Variants in USF3 observed in about 807,000 individuals in gnomAD.
USF3 encodes basic helix-loop-helix domain-containing protein USF3.
Under a neutral mutation model 157.5 loss-of-function variants are expected in USF3, and 29 were observed. The ratio of observed to expected loss-of-function variants is 0.18; its 90% confidence interval spans 0.14 to 0.25. The LOEUF is 0.25. USF3 is among the 10% of genes least tolerant of loss of function. The probability of loss-of-function intolerance (pLI) is 1.00; values close to 1 mark genes in which losing one functional copy is unlikely to be tolerated. For synonymous variants in USF3, 893 were observed against 941.4 expected (o/e 0.95, Z 0.94); for missense variants, 2,381 against 2,667.6 (o/e 0.89, Z 2.37).
At chr3:113,674,044 T>C (rs9653912) in intron 3 of USF3, among the ~76,000 whole-genome samples, 119 of 152,286 alleles carry the variant, frequency 7.8e-4, no homozygotes, top group African/African-American at 2.7e-3. Flanking sequence ...AGTAGAACCA[T>C]TGGCCATGCA....
chr3:113,679,013 C>CTCTCTCTT (rs2107948489), intron 1 of USF3, among the ~76,000 whole-genome samples: 1 of 145,622 alleles, frequency 6.9e-6, no homozygotes, highest in African/African-American at 2.5e-5. Flanking sequence ...GCTGGTGTCT[C>CTCTCTCTT]TCTCTCTCTC....
intron 1 of USF3, among the ~76,000 whole-genome samples, chr3:113,693,983 T>C (rs1707748304): frequency 6.6e-6 from 1 of 152,236 alleles, no homozygotes; most frequent in African/African-American, 2.4e-5. Flanking sequence ...ATGGGAGTTC[T>C]CAGCCAGGGC....
intron 1 of USF3, among the ~76,000 whole-genome samples, chr3:113,689,343 G>A (rs867265187): frequency 5.9e-5 from 9 of 152,162 alleles, no homozygotes; most frequent in East Asian, 1.9e-4. Flanking sequence ...TGCTCAATAC[G>A]TGTTAGTTGA....
intron 1 of USF3, among the ~76,000 whole-genome samples, chr3:113,681,987 C>T (rs941347730): frequency 6.6e-6 from 1 of 152,198 alleles, no homozygotes; most frequent in South Asian, 2.1e-4. Context: ...CCAAAGTCCT[C>T]GGATTACAGG....
At position 113,655,336 on chromosome 3, in the gene USF3, G is replaced by A; in HGVS notation, c.6346C>T (p.Pro2116Ser). Residue 2116 changes from proline to serine, a missense_variant, in exon 7 of 7, where the codon CCT becomes TCT. By Grantham distance (74) the Pro-to-Ser change is moderately conservative. Coordinates refer to ENST00000316407, the MANE Select transcript of USF3 (RefSeq NM_001009899.4). Reference sequence around the variant, plus strand: ...TCATTGGACAGTGTAGGATGAGCAGGAGAGTATGGAGGATAGAAGGAGGGC... The same window carrying A: ...TCATTGGACAGTGTAGGATGAGCAGAAGAGTATGGAGGATAGAAGGAGGGC... ...TLPSFYPPYSPAHPTLSNDIS... is the reference protein window; with the variant it reads ...TLPSFYPPYSSAHPTLSNDIS... The A allele has an allele frequency of 1.2e-6, 2 of 1,614,114 alleles. No homozygotes were observed. Among genetic ancestry groups the A allele is most frequent in the Non-Finnish European group, 1.7e-6 (2 of 1,179,952 alleles).
rs1174349298 is a variant in USF3 at position 113,655,490 on chromosome 3, A to T, written c.6192T>A (p.Gly2064=). The change falls in exon 7 of 7, where the codon GGT becomes GGA. Residue 2064 remains glycine, a synonymous_variant. Transcript: ENST00000316407. The part of the protein sequence containing the change: ...PDQHTLSQNF[G]FSFIPEGGMN... ...TGCCACCCTCAGGAATAAAAGAAAA[A>T]CCAAAATTTTGTGATAGTGTATGCT... is the stretch of plus-strand genomic sequence containing the variant. 2 of 1,614,122 alleles carry T rather than the reference A, an allele frequency of 1.2e-6. No individual in the cohort carries two copies. Among genetic ancestry groups the T allele is most frequent in the Non-Finnish European group, 1.7e-6 (2 of 1,180,026 alleles).
rs756884439 is a variant in USF3 at position 113,660,548 on chromosome 3, T to C, written c.1134A>G (p.Gly378=). 1.2e-6 allele frequency: 2 copies of C among 1,614,152 alleles called. No individual in the cohort carries two copies. Among genetic ancestry groups the C allele is most frequent in the Admixed American group, 3.3e-5 (2 of 60,024 alleles). The part of the protein sequence containing the change: ...TATVVASSAP[G]VGKATIPIST... ...TTATAGGAATGGTGGCCTTCCCTACTCCAGGGGCAGATGATGCCACCACTG... is the reference window on the plus strand; with the variant it reads ...TTATAGGAATGGTGGCCTTCCCTACCCCAGGGGCAGATGATGCCACCACTG... Residue 378 remains glycine, a synonymous_variant, in exon 7 of 7, where the codon GGA becomes GGG. Transcript: ENST00000316407.
chr3:113,649,569 A>C lies in USF3; in HGVS notation c.*5375T>G, dbSNP rs1947225204. 2.7e-6 allele frequency: 1 copy of C among 369,996 alleles called. No individual in the cohort carries two copies. The highest frequency in any genetic ancestry group is 4.8e-6 in the Non-Finnish European group (1 of 208,322). The allele number at this position is 369,996 out of a possible 1,614,324, so 22.9% of individuals were successfully genotyped here. On this transcript the variant is annotated 3_prime_UTR_variant, in exon 7 of 7. Transcript: ENST00000316407. ...ATGGCTCAGAGAATGGTAAGGCAAC[A>C]GTGAGAAACATCAGCTGTACTTGTC...
Position 113,648,643 on chromosome 3 carries a change from C to A in USF3, c.*6301G>T, listed in dbSNP as rs1430105829. The A allele has an allele frequency of 6.6e-6, 1 of 152,520 alleles. No individual in the cohort carries two copies. Among genetic ancestry groups the A allele is most frequent in the Non-Finnish European group, 1.5e-5 (1 of 67,998 alleles). The allele number at this position is 152,520 out of a possible 1,614,324, so 9.4% of individuals were successfully genotyped here. Reference sequence around the variant, plus strand: ...TACATATCTGCTCTGGATTCCATTACAAAACAAATTAGTTTCCATAAGAAT... The same window carrying A: ...TACATATCTGCTCTGGATTCCATTAAAAAACAAATTAGTTTCCATAAGAAT... On this transcript the variant is annotated 3_prime_UTR_variant, in exon 7 of 7. Transcript: ENST00000316407.
chr3:113,673,468 T>C, intron 3 of USF3, 92 bp from the exon 4 acceptor site: 1 of 745,122 alleles, frequency 1.3e-6, no homozygotes, highest in Non-Finnish European at 2.3e-6. Flanking sequence ...AAATAAATTT[T>C]ATGAATTTGT....
At position 113,653,881 on chromosome 3, in the gene USF3, A is replaced by G. The variant is rs1947309025; in HGVS notation, c.*1063T>C. ...CTGTTATGAAGGATAATAATGAAAT[A>G]TACAATGCCATATTTAAAATATAAA... On this transcript the variant is annotated 3_prime_UTR_variant, in exon 7 of 7. Coordinates refer to ENST00000316407, the MANE Select transcript of USF3 (RefSeq NM_001009899.4). 1 of 152,252 alleles carries G rather than the reference A, an allele frequency of 6.6e-6. No individual in the cohort carries two copies. The highest frequency in any genetic ancestry group is 2.1e-4 in the South Asian group (1 of 4,836). The allele number at this position is 152,252 out of a possible 1,614,324, so 9.4% of individuals were successfully genotyped here. A position where few individuals can be genotyped will look rare whatever the true frequency, so the allele number is the denominator to read the frequency against.
At chr3:113,682,988 G>GT (rs1381947498) in intron 1 of USF3, among the ~76,000 whole-genome samples, 4 of 151,096 alleles carry the variant, frequency 2.6e-5, no homozygotes, top group Non-Finnish European at 5.9e-5. Flanking sequence ...TTATTGATAG[G>GT]TAAAAACTTA....
rs575812741 is a variant in USF3 at position 113,680,220 on chromosome 3, T to C, written c.-134-2823A>G. 2.6e-5 allele frequency among the ~76,000 whole-genome samples: 4 copies of C among 152,136 alleles called. No homozygotes were observed. The South Asian group carries it at 6.2e-4, about 24-fold the overall frequency. On this transcript the variant is annotated intron_variant, in intron 1 of 6. Coordinates refer to ENST00000316407, the MANE Select transcript of USF3 (RefSeq NM_001009899.4). ...TTGGTAGAATTCAGCAGTGAAGCTA[T>C]TGGGTCCTGGGCTTTTCTTTGCTGG...
At chr3:113,679,516 C>T (rs896824038) in intron 1 of USF3, among the ~76,000 whole-genome samples, 7 of 150,552 alleles carry the variant, frequency 4.6e-5, no homozygotes, top group African/African-American at 1.5e-4. Context: ...TGGGTTCAAG[C>T]AATTCTTCTG....
chr3:113,695,649 A>C (rs1390527954), intron 1 of USF3, among the ~76,000 whole-genome samples: 1 of 152,226 alleles, frequency 6.6e-6, no homozygotes, highest in Non-Finnish European at 1.5e-5. Flanking sequence ...TTCCAGATAA[A>C]GTTAATAAAC....
chr3:113,659,672 G>C lies in USF3; in HGVS notation c.2010C>G (p.Leu670=). 2 of 1,614,214 alleles carry C rather than the reference G, an allele frequency of 1.2e-6. No individual in the cohort carries two copies. The highest frequency in any genetic ancestry group is 1.7e-6 in the Non-Finnish European group (2 of 1,180,022). ...AAGACATCACAGGCTGCAAAGCAAA[G>C]AGCTGTCCATTTAAAGAAATGGTTT... ...QPQTISLNGQ[L]FALQPVMSSS... is the part of the protein sequence containing the mutation. Residue 670 remains leucine (L), a synonymous_variant, in exon 7 of 7, where the codon CTC becomes CTG. Transcript: ENST00000316407.
At chr3:113,687,266 C>CA (rs1553702109) in intron 1 of USF3, among the ~76,000 whole-genome samples, 39,509 of 142,194 alleles carry the variant, frequency 0.28, 5,338 homozygotes, top group Non-Finnish European at 0.31. Flanking sequence ...CACACACACA[C>CA]CCCCTTTCTA....
At position 113,688,766 on chromosome 3, in the gene USF3, C is replaced by G. The variant is rs138251874; in HGVS notation, c.-135+7604G>C. ...GTCATTAATACAGATGCTGGCTGGG[C>G]GCGGTGGCTCACGCCTGTAACCCCA... On this transcript the variant is annotated intron_variant, in intron 1 of 6. Transcript: ENST00000316407. 5.2e-3 allele frequency among the ~76,000 whole-genome samples: 786 copies of G among 152,260 alleles called. 18 individuals are homozygous for G. The highest frequency in any genetic ancestry group is 0.035 in the Admixed American group (529 of 15,292).
At chr3:113,680,053 CTTTTTTTT>C (rs71131103) in intron 1 of USF3, among the ~76,000 whole-genome samples, 2 of 58,620 alleles carry the variant, frequency 3.4e-5, no homozygotes, top group African/African-American at 7.1e-5. Flanking sequence ...CTGTAGTTTT[CTTTTTTTT>C]TTTTTTTTTT....
Sources: allele counts gnomAD v4.1 joint callset (sites outside exome capture counted in the v4.1 genomes callset), GRCh38; gene constraint gnomAD v4.1.1; transcripts MANE v1.5; gene names NCBI Gene and HGNC (gene_info 2026-07-23, HGNC 2026-07-21).